The following GALNT14 variants were observed in gnomAD, a reference collection of about 807,000 sequenced individuals.
The protein encoded by GALNT14 is polypeptide N-acetylgalactosaminyltransferase 14, also known as UDP-GalNAc:polypeptide N-acetylgalactosaminyltransferase 14.
Under a neutral mutation model 77.5 loss-of-function variants are expected in GALNT14, and 60 were observed. The observed-to-expected ratio is 0.77, with a 90% CI of 0.63 to 0.96. The LOEUF is 0.96. GALNT14 is among the 40% of genes least tolerant of loss of function. The pLI, the probability that GALNT14 is intolerant of heterozygous loss-of-function variation, is 0.00. For missense variants in GALNT14, 710 were observed against 731.0 expected, an observed-to-expected ratio of 0.97 and a Z score of 0.33; for synonymous variants, 280 against 281.7, an observed-to-expected ratio of 0.99 and a Z score of 0.06.
intron 1 of GALNT14, among the ~76,000 whole-genome samples, chr2:31,013,075 C>A (rs1671133818): frequency 6.6e-6 from 1 of 152,166 alleles, no homozygotes; most frequent in African/African-American, 2.4e-5. Context: ...GGGTTCCAGT[C>A]CTGGCTCTGA....
chr2:31,025,949 G>A (rs1012313758), intron 1 of GALNT14, among the ~76,000 whole-genome samples: 1 of 152,172 alleles, frequency 6.6e-6, no homozygotes, highest in Non-Finnish European at 1.5e-5. Context: ...CAGATTGGAT[G>A]AGGCCCGTCT....
intron 6 of GALNT14, among the ~76,000 whole-genome samples, chr2:30,952,129 T>C (rs1573023378): frequency 6.6e-6 from 1 of 152,066 alleles, no homozygotes; most frequent in Non-Finnish European, 1.5e-5. Flanking sequence ...TGTATAACAT[T>C]AAGGGAAAAA....
chr2:31,088,458 T>C (rs1317343966), intron 1 of GALNT14, among the ~76,000 whole-genome samples: 1 of 152,190 alleles, frequency 6.6e-6, no homozygotes, highest in Non-Finnish European at 1.5e-5. Flanking sequence ...GCTTGGCGTC[T>C]CGTGGTCCTT....
chr2:30,983,838 C>T (rs983802112), intron 2 of GALNT14, among the ~76,000 whole-genome samples: 2 of 140,962 alleles, frequency 1.4e-5, no homozygotes, highest in Non-Finnish European at 3.1e-5. Context: ...CTTTCTCTAA[C>T]TCAGTGAACT....
intron 13 of GALNT14, among the ~76,000 whole-genome samples, chr2:30,923,026 A>G (rs1435163361): frequency 1.4e-5 from 2 of 147,072 alleles, no homozygotes. Context: ...GGGGGTGAGG[A>G]GTTAGCAAGG....
chr2:31,092,093 G>A (rs541972970), intron 1 of GALNT14, among the ~76,000 whole-genome samples: 2 of 152,036 alleles, frequency 1.3e-5, no homozygotes, highest in African/African-American at 2.4e-5. Context: ...CCAGTGGTTC[G>A]CCTGGAGCTC....
chr2:30,915,571 T>G (rs570568879), intron 13 of GALNT14, among the ~76,000 whole-genome samples: 13 of 152,330 alleles, frequency 8.5e-5, no homozygotes, highest in Non-Finnish European at 1.6e-4. Context: ...CCTGTCAGAC[T>G]TCCCAGAAGG....
intron 1 of GALNT14, among the ~76,000 whole-genome samples, chr2:31,128,967 G>GA (rs531891870): frequency 0.016 from 1,721 of 105,302 alleles, 13 homozygotes; most frequent in Middle Eastern, 0.03. Context: ...AAATAAAATT[G>GA]AAAAAAAAAA....
chr2:31,132,077 TCTGCAGGTCCCTGGGACAGGGCCTC>T (rs1309977461), intron 1 of GALNT14, among the ~76,000 whole-genome samples: 2 of 152,102 alleles, frequency 1.3e-5, no homozygotes, highest in Non-Finnish European at 2.9e-5. Context: ...AGAGATTCCA[TCTGCAGGTCCCTGGGACAGGGCCTC>T]CTGCAGGGAC....
intron 2 of GALNT14, among the ~76,000 whole-genome samples, chr2:30,977,783 T>C (rs2148368881): frequency 6.6e-6 from 1 of 152,190 alleles, no homozygotes; most frequent in South Asian, 2.1e-4. Context: ...AAGCAAAGGC[T>C]TCCCATACCT....
chr2:31,082,748 G>T (rs536220912), intron 1 of GALNT14, among the ~76,000 whole-genome samples: 1 of 152,152 alleles, frequency 6.6e-6, no homozygotes, highest in Non-Finnish European at 1.5e-5. Flanking sequence ...GGCTGGGCAC[G>T]GTGGCTCACA....
intron 3 of GALNT14, among the ~76,000 whole-genome samples, chr2:30,959,402 C>T (rs1385649990): frequency 2.6e-5 from 4 of 152,102 alleles, no homozygotes; most frequent in Non-Finnish European, 5.9e-5. Context: ...CATAACTATT[C>T]CCTCGAGGGA....
intron 1 of GALNT14, among the ~76,000 whole-genome samples, chr2:31,036,257 A>G (rs1672732941): frequency 6.6e-6 from 1 of 152,156 alleles, no homozygotes; most frequent in Non-Finnish European, 1.5e-5. Flanking sequence ...ATCTTCTAGC[A>G]TACCATTTTT....
chr2:31,105,950 A>G (rs531727969), intron 1 of GALNT14, among the ~76,000 whole-genome samples: 48 of 152,134 alleles, frequency 3.2e-4, no homozygotes, highest in South Asian at 8.3e-4. Flanking sequence ...CACGGTTCCT[A>G]TTATCCTCTT....
At chr2:30,946,502 C>G (rs1392472266) in intron 6 of GALNT14, among the ~76,000 whole-genome samples, 1 of 152,140 alleles carries the variant, frequency 6.6e-6, no homozygotes, top group South Asian at 2.1e-4. Flanking sequence ...ATGTGACCAG[C>G]CTGCTCCCCC....
downstream of GALNT14, among the ~76,000 whole-genome samples, chr2:30,910,097 T>C (rs1359274142): frequency 6.7e-6 from 1 of 148,458 alleles, no homozygotes; most frequent in Non-Finnish European, 1.5e-5. Context: ...CAGTGGGAGA[T>C]ATACCTAATG....
At chr2:30,900,974 G>T in the GALNT14 span, among the ~76,000 whole-genome samples, 1 of 152,082 alleles carries the variant, frequency 6.6e-6, no homozygotes, top group Non-Finnish European at 1.5e-5. Context: ...TAAAATTTTG[G>T]GTAGAAAAAT....
At chr2:31,072,282 TAC>T (rs1198431998) in intron 1 of GALNT14, among the ~76,000 whole-genome samples, 1,076 of 37,634 alleles carry the variant, frequency 0.029, 7 homozygotes, top group African/African-American at 0.15. Flanking sequence ...CACACACACA[TAC>T]ACACACACAC....
At chr2:30,886,792 A>G in the GALNT14 span, among the ~76,000 whole-genome samples, 5 of 152,242 alleles carry the variant, frequency 3.3e-5, no homozygotes, top group Non-Finnish European at 5.9e-5. Flanking sequence ...TTTTAAGGTG[A>G]GGAATTTAAT....
Sources: gnomAD v4.1 joint callset for allele counts (sites outside exome capture counted in the v4.1 genomes callset) on GRCh38, gnomAD v4.1.1 for gene constraint, MANE v1.5 for transcripts, NCBI Gene and HGNC (gene_info 2026-07-23, HGNC 2026-07-21) for gene names.